HS6ST2: variants seen among roughly 807,000 people sequenced by gnomAD.
HS6ST2 encodes the protein heparan sulfate 6-O-sulfotransferase 2, also known as heparan-sulfate 6-O-sulfotransferase 2.
A neutral mutation model predicts 33.0 loss-of-function variants in HS6ST2; 17 were observed. The observed-to-expected ratio is 0.52, with a 90% confidence interval of 0.35 to 0.77. The LOEUF is 0.77. HS6ST2 is among the 30% of genes least tolerant of loss of function. The pLI is 0.01. For missense variants in HS6ST2, 519 were observed against 551.7 expected (o/e 0.94, Z 0.59); for synonymous variants, 248 against 237.1 (o/e 1.05, Z -0.42).
chrX:132,860,259 G>C (rs1449925073), intron 2 of HS6ST2, among the ~76,000 whole-genome samples: 1 of 111,849 alleles, frequency 8.9e-6, no homozygotes, highest in East Asian at 2.8e-4. Flanking sequence ...TAGTTGATTG[G>C]TTTTATGGTG....
At chrX:132,847,518 G>A (rs776299003) in intron 2 of HS6ST2, among the ~76,000 whole-genome samples, 7 of 111,365 alleles carry the variant, frequency 6.3e-5, no homozygotes, top group Admixed American at 9.5e-5. Context: ...AGTTGAATAG[G>A]AATCTCTAGT....
intron 3 of HS6ST2, among the ~76,000 whole-genome samples, chrX:132,674,591 ATGT>A (rs1445729634): frequency 8.9e-6 from 1 of 111,845 alleles, no homozygotes; most frequent in Non-Finnish European, 1.9e-5. Context: ...CTCTTGGTAC[ATGT>A]TGTTTTTGCC....
intron 2 of HS6ST2, among the ~76,000 whole-genome samples, chrX:132,937,844 T>C (rs2066841601): frequency 9.0e-6 from 1 of 110,621 alleles, no homozygotes; most frequent in African/African-American, 3.3e-5. Flanking sequence ...TACCTGTGAG[T>C]AAATTAATGT....
intron 3 of HS6ST2, among the ~76,000 whole-genome samples, chrX:132,706,380 C>G (rs1276550858): frequency 8.9e-6 from 1 of 111,921 alleles, no homozygotes; most frequent in African/African-American, 3.2e-5. Context: ...GCATTGATTG[C>G]TAACTGAAAC....
At chrX:132,685,359 T>G (rs917473074) in intron 3 of HS6ST2, among the ~76,000 whole-genome samples, 1 of 111,851 alleles carries the variant, frequency 8.9e-6, no homozygotes, top group Admixed American at 9.5e-5. Context: ...TAAACTTTTG[T>G]AAATTTACAC....
In HS6ST2 at chrX:132,865,674, C is replaced by A. The variant is rs1208722028; in HGVS notation, c.947+91134G>T. On this transcript the variant is annotated intron_variant, in intron 2 of 4. Coordinates refer to ENST00000370833, the MANE Select transcript of HS6ST2 (RefSeq NM_001394073.1). The stretch of plus-strand genomic sequence containing the variant: ...GACTTTTTAATGATTGCCATTCTAA[C>A]TGGTGTGAGATGATATCTCATTGTG... Among the ~76,000 whole-genome samples the A allele has an allele frequency of 2.7e-5, 3 of 111,938 alleles. No individual in the cohort carries two copies. In the Admixed American group the frequency reaches 2.8e-4, roughly 11 times the overall value.
chrX:132,655,160 A>T (rs930371405), intron 4 of HS6ST2, among the ~76,000 whole-genome samples: 5 of 111,980 alleles, frequency 4.5e-5, no homozygotes, highest in Non-Finnish European at 5.6e-5. Flanking sequence ...AGCATCTGGT[A>T]ATGTGCCTAT....
At chrX:132,869,296 C>CCAAAAA (rs2066030460) in intron 2 of HS6ST2, among the ~76,000 whole-genome samples, 1 of 107,679 alleles carries the variant, frequency 9.3e-6, no homozygotes, top group Non-Finnish European at 2.0e-5. Flanking sequence ...AGCCTACCAA[C>CCAAAAA]GAAGGACCAG....
At chrX:132,654,410 G>T (rs1414976245) in intron 4 of HS6ST2, among the ~76,000 whole-genome samples, 2 of 111,248 alleles carry the variant, frequency 1.8e-5, no homozygotes, top group Non-Finnish European at 3.8e-5. Flanking sequence ...AAATAGAAGT[G>T]CCTGTAGGGT....
chrX:132,916,340 C>G (rs1347265409), intron 2 of HS6ST2, among the ~76,000 whole-genome samples: 1 of 112,256 alleles, frequency 8.9e-6, no homozygotes, highest in Admixed American at 9.4e-5. Context: ...TATAAAATAG[C>G]AATGAAACAG....
chrX:132,819,832 G>A (rs2065434337), intron 2 of HS6ST2, among the ~76,000 whole-genome samples: 1 of 112,337 alleles, frequency 8.9e-6, no homozygotes, highest in Non-Finnish European at 1.9e-5. Context: ...ATGATAGCAT[G>A]AGTCCTTAAC....
At chrX:132,667,215 G>A (rs2063816350) in intron 4 of HS6ST2, among the ~76,000 whole-genome samples, 1 of 112,056 alleles carries the variant, frequency 8.9e-6, no homozygotes, top group South Asian at 3.8e-4. Flanking sequence ...GAGGAGAACA[G>A]TGCAAGAAAC....
chrX:132,875,266 C>T (rs780800293), intron 2 of HS6ST2, among the ~76,000 whole-genome samples: 5 of 111,193 alleles, frequency 4.5e-5, no homozygotes, highest in East Asian at 2.9e-4. Context: ...AAAGAGTGAG[C>T]GAAAAGGGCA....
intron 2 of HS6ST2, among the ~76,000 whole-genome samples, chrX:132,724,716 G>C (rs1325864645): frequency 2.7e-5 from 3 of 111,724 alleles, no homozygotes; most frequent in Non-Finnish European, 5.6e-5. Context: ...TAAGCAAAAA[G>C]AACAAAACTG....
chrX:132,631,507 C>T (rs2063516808), intron 4 of HS6ST2, among the ~76,000 whole-genome samples: 1 of 110,718 alleles, frequency 9.0e-6, no homozygotes, highest in Middle Eastern at 4.2e-3. Flanking sequence ...TCCCTCCTTC[C>T]ACTCCTAGCT....
intron 4 of HS6ST2, among the ~76,000 whole-genome samples, chrX:132,636,566 C>G (rs771158646): frequency 5.3e-5 from 6 of 112,151 alleles, no homozygotes; most frequent in African/African-American, 1.9e-4. Context: ...ACCTTTGAGA[C>G]AGTAAATCAT....
intron 2 of HS6ST2, among the ~76,000 whole-genome samples, chrX:132,924,095 C>T (rs1242149653): frequency 2.7e-5 from 3 of 112,156 alleles, no homozygotes; most frequent in South Asian, 3.7e-4. Flanking sequence ...TCACAAGCTA[C>T]GATACGTAAC....
intron 4 of HS6ST2, among the ~76,000 whole-genome samples, chrX:132,637,752 ATATATAAAATAT>A (rs2063558927): frequency 2.6e-5 from 2 of 78,058 alleles, no homozygotes; most frequent in South Asian, 1.1e-3. Flanking sequence ...TAAAAAATAT[ATATATAAAATAT>A]TATATATTTA....
At chrX:132,857,281 C>T (rs1263409366) in intron 2 of HS6ST2, among the ~76,000 whole-genome samples, 2 of 111,149 alleles carry the variant, frequency 1.8e-5, no homozygotes, top group South Asian at 3.8e-4. Flanking sequence ...GTCAAGGGTT[C>T]GAGATCAACC....
Sources: gnomAD v4.1 joint callset for allele counts (sites outside exome capture counted in the v4.1 genomes callset) on GRCh38, gnomAD v4.1.1 for gene constraint, MANE v1.5 for transcripts, NCBI Gene and HGNC (gene_info 2026-07-23, HGNC 2026-07-21) for gene names.